Variants in STAP2 observed in about 807,000 individuals in gnomAD.
STAP2 encodes signal transducing adaptor family member 2.
A neutral mutation model predicts 52.7 loss-of-function variants in STAP2; 58 were observed. The observed-to-expected ratio is 1.10, with a 90% CI of 0.89 to 1.37. STAP2 has a LOEUF of 1.37. Ranked by LOEUF, STAP2 falls within the 40% of genes most tolerant of loss-of-function variation. STAP2 has a pLI of 0.00. For missense variants in STAP2, 522 were observed against 519.4 expected (o/e 1.00, Z -0.05); for synonymous variants, 231 against 210.5 (o/e 1.10, Z -0.84).
intron 5 of STAP2, among the ~76,000 whole-genome samples, chr19:4,329,351 C>T (rs1487680091): frequency 6.6e-6 from 1 of 151,946 alleles, no homozygotes; most frequent in East Asian, 1.9e-4. Flanking sequence ...GCAATCCTCC[C>T]GCCTCGACCT....
intron 1 of STAP2, among the ~76,000 whole-genome samples, chr19:4,337,946 G>T (rs563532574): frequency 1.3e-5 from 2 of 152,170 alleles, no homozygotes; most frequent in African/African-American, 4.8e-5. Flanking sequence ...CTTGAGCCCA[G>T]GAGTTTGAGG....
intron 1 of STAP2, 104 bp downstream of exon 1, chr19:4,338,547 CA>C: frequency 1.1e-6 from 1 of 944,936 alleles, no homozygotes. Context: ...CCCCATCCAG[CA>C]CCCACCCCGC....
intron 5 of STAP2, chr19:4,329,067 C>G: frequency 2.2e-6 from 1 of 452,856 alleles, no homozygotes; most frequent in Non-Finnish European, 3.9e-6. Context: ...ATGGCGCTAT[C>G]TCGGCTCACC....
In STAP2 at chr19:4,325,376, C is replaced by A; in HGVS notation, c.979+20G>T. On this transcript the variant is annotated intron_variant, in intron 10 of 12. Coordinates refer to ENST00000594605, the MANE Select transcript of STAP2 (RefSeq NM_001013841.2). ...TGTTTCCCCAACCCCCAGCTCTCAG[C>A]AGCTCTGTTCCCCACCCACCATCTT... is the stretch of plus-strand genomic sequence containing the variant. The A allele has an allele frequency of 6.2e-7, 1 of 1,614,222 alleles. No individual in the cohort carries two copies. The highest frequency in any genetic ancestry group is 8.5e-7 in the Non-Finnish European group (1 of 1,180,030).
Position 4,334,032 on chromosome 19 carries a change from ACTT to A in STAP2, c.112_114del (p.Lys38del). The A allele has an allele frequency of 1.1e-5, 17 of 1,611,014 alleles. No individual in the cohort carries two copies. Among genetic ancestry groups the A allele is most frequent in the Non-Finnish European group, 1.4e-5 (16 of 1,178,966 alleles). On this transcript the variant is annotated inframe_deletion, in exon 2 of 13. Transcript: ENST00000594605. ...GTGAGACCCTGCAGGCCTGCCCAGA[ACTT>A]CTTGTAATCCTAGGGACCAGAAGTG...
chr19:4,325,973 A>G (rs1971787004), intron 9 of STAP2, among the ~76,000 whole-genome samples: 1 of 152,134 alleles, frequency 6.6e-6, no homozygotes, highest in African/African-American at 2.4e-5. Context: ...CATCTCAAAA[A>G]AAAAAAAAAG....
rs1364919591 is a variant in STAP2 at position 4,324,149 on chromosome 19, C to G, written c.1196G>C (p.Arg399Pro). The G allele has an allele frequency of 1.9e-6, 3 of 1,551,516 alleles. No homozygotes were observed. Among genetic ancestry groups the G allele is most frequent in the Non-Finnish European group, 2.6e-6 (3 of 1,146,992 alleles). Residue 399 changes from arginine (R) to proline (P), a missense_variant, in exon 13 of 13, where the codon CGG becomes CCG. By Grantham distance (103) the Arg-to-Pro change is moderately radical. Coordinates refer to ENST00000594605, the MANE Select transcript of STAP2 (RefSeq NM_001013841.2). ...AELQKKLEKRRALEH is the reference protein window; with the variant it reads ...AELQKKLEKRPALEH ...GTGTCCGAATCAGTGCTCCAGTGCCCGCCTCTTCTCCAGCTTCTTCTGTAG... is the reference window on the plus strand; with the variant it reads ...GTGTCCGAATCAGTGCTCCAGTGCCGGCCTCTTCTCCAGCTTCTTCTGTAG...
intron 4 of STAP2, 58 bp downstream of exon 4, chr19:4,331,964 G>A (rs1012579766): frequency 1.2e-4 from 181 of 1,521,736 alleles, no homozygotes; most frequent in Non-Finnish European, 1.6e-4. Flanking sequence ...AGAAAAAGGA[G>A]GCTTTTTGAG....
chr19:4,327,127 G>C lies in STAP2; in HGVS notation c.760C>G (p.Leu254Val). 1 of 1,614,182 alleles carries C rather than the reference G, an allele frequency of 6.2e-7. No individual in the cohort carries two copies. Among genetic ancestry groups the C allele is most frequent in the Non-Finnish European group, 8.5e-7 (1 of 1,180,016 alleles). Residue 254 changes from leucine (L) to valine (V), a missense_variant, in exon 8 of 13, where the codon CTA becomes GTA. By Grantham distance (32) the Leu-to-Val change is conservative. Transcript: ENST00000594605. ...AACTCCCCGAAGGGGCACCCACCTA[G>C]CACCTTCTCGTAGTCCTCGTCTAAC... ...FLLDEDYEKV[L>V]GYVEADKENG...
Position 4,328,737 on chromosome 19 carries a change from C to T in STAP2, c.528G>A (p.Leu176=). Residue 176 remains leucine (L), a synonymous_variant, in exon 6 of 13, where the codon CTG becomes CTA. Coordinates refer to ENST00000594605, the MANE Select transcript of STAP2 (RefSeq NM_001013841.2). ...LERYPECGNL[L]LRPSGDGADG... is the part of the protein sequence containing the mutation. Reference sequence around the variant, plus strand: ...CGGCGCCGTCCCCGCTGGGCCGCAGCAGCAGGTTCCCGCACTCGGGGTAGC... The same window carrying T: ...CGGCGCCGTCCCCGCTGGGCCGCAGTAGCAGGTTCCCGCACTCGGGGTAGC... 4 of 1,609,876 alleles carry T rather than the reference C, an allele frequency of 2.5e-6. No individual in the cohort carries two copies. The highest frequency in any genetic ancestry group is 3.4e-6 in the Non-Finnish European group (4 of 1,178,766).
chr19:4,329,308 T>C (rs911323812), intron 5 of STAP2, among the ~76,000 whole-genome samples: 1 of 151,850 alleles, frequency 6.6e-6, no homozygotes, highest in Non-Finnish European at 1.5e-5. Flanking sequence ...GGTCTCGCTA[T>C]GTTGCCCAGG....
intron 9 of STAP2, among the ~76,000 whole-genome samples, 188 bp downstream of exon 9, chr19:4,326,754 T>G (rs944206224): frequency 4.6e-5 from 7 of 152,056 alleles, no homozygotes; most frequent in African/African-American, 1.7e-4. Context: ...TTTAGCTCTG[T>G]CCCAAGCTGG....
At chr19:4,334,810 C>CATCCATCCATTCATCT (rs1971949662) in intron 1 of STAP2, among the ~76,000 whole-genome samples, 1 of 86,780 alleles carries the variant, frequency 1.2e-5, no homozygotes, top group Non-Finnish European at 2.5e-5. Flanking sequence ...ATCCCTCCAT[C>CATCCATCCATTCATCT]ATCCATCCAC....
In STAP2 at chr19:4,325,203, G is replaced by C; in HGVS notation, c.1072+13C>G. On this transcript the variant is annotated intron_variant, in intron 11 of 12. Transcript: ENST00000594605. ...GCCATCAGGTGAGGGTGGGATATGG[G>C]GGGGACCCCAACCTGGCTTGGGTCC... 4 of 1,571,420 alleles carry C rather than the reference G, an allele frequency of 2.5e-6. No homozygotes were observed. The highest frequency in any genetic ancestry group is 3.5e-6 in the Non-Finnish European group (4 of 1,157,922).
chr19:4,325,351 T>C lies in STAP2; in HGVS notation c.980-43A>G. 1.9e-6 allele frequency: 3 copies of C among 1,614,212 alleles called. No individual in the cohort carries two copies. The South Asian group carries it at 3.3e-5, about 18-fold the overall frequency. On this transcript the variant is annotated intron_variant, in intron 10 of 12. Coordinates refer to ENST00000594605, the MANE Select transcript of STAP2 (RefSeq NM_001013841.2). ...TAACGTGTCACATCAGCTGTTAACC[T>C]GTTTCCCCAACCCCCAGCTCTCAGC...
chr19:4,333,642 G>A, intron 3 of STAP2, 52 bp downstream of exon 3: 1 of 1,562,670 alleles, frequency 6.4e-7, no homozygotes, highest in Non-Finnish European at 8.6e-7. Flanking sequence ...AGGAGCATTT[G>A]AGCATCTTCT....
At chr19:4,330,300 C>T (rs1257981503) in intron 4 of STAP2, among the ~76,000 whole-genome samples, 1 of 152,026 alleles carries the variant, frequency 6.6e-6, no homozygotes, top group African/African-American at 2.4e-5. Context: ...GCGGGCGGAT[C>T]ACCTAAGGTC....
intron 5 of STAP2, among the ~76,000 whole-genome samples, chr19:4,329,499 T>C (rs1367201498): frequency 1.3e-5 from 2 of 151,528 alleles, no homozygotes; most frequent in Non-Finnish European, 2.9e-5. Context: ...GGAGATCCTG[T>C]CCCGCCCTCC....
Position 4,324,130 on chromosome 19 carries a change from G to GA in STAP2, c.*2dup. On this transcript the variant is annotated 3_prime_UTR_variant, in exon 13 of 13. Transcript: ENST00000594605. ...TAGCCCGCTGGTCCCTGGTGTGTCC[G>GA]AATCAGTGCTCCAGTGCCCGCCTCT... 1 of 1,551,416 alleles carries GA rather than the reference G, an allele frequency of 6.4e-7. No homozygotes were observed. Among genetic ancestry groups the GA allele is most frequent in the South Asian group, 1.2e-5 (1 of 84,056 alleles).
Sources: gnomAD v4.1 joint callset for allele counts (sites outside exome capture counted in the v4.1 genomes callset) on GRCh38, gnomAD v4.1.1 for gene constraint, MANE v1.5 for transcripts, NCBI Gene and HGNC (gene_info 2026-07-23, HGNC 2026-07-21) for gene names.